DMD: variants seen among roughly 807,000 people sequenced by gnomAD.
DMD encodes dystrophin, also known as mutant dystrophin.
In DMD, 63 loss-of-function variants were observed where a neutral mutation model predicts 330.1. The ratio of observed to expected loss-of-function variants is 0.19; its 90% CI spans 0.16 to 0.24. The LOEUF is 0.24. Among genes scored for constraint, DMD ranks in the 10% least tolerant of loss-of-function variants. The pLI, the probability that DMD is intolerant of heterozygous loss-of-function variation, is 1.00. For synonymous variants in DMD, 1,223 were observed against 959.8 expected (o/e 1.27, Z -5.07); for missense variants, 3,344 against 2,684.1 (o/e 1.25, Z -5.43).
At chrX:32,433,803 A>T (rs1298288118) in intron 29 of DMD, among the ~76,000 whole-genome samples, 3 of 112,063 alleles carry the variant, frequency 2.7e-5, no homozygotes, top group Non-Finnish European at 5.6e-5. Context: ...ACTATTACCA[A>T]TATTATTATT....
At chrX:32,277,185 G>A (rs181484982) in intron 43 of DMD, among the ~76,000 whole-genome samples, 10 of 110,387 alleles carry the variant, frequency 9.1e-5, no homozygotes, top group Non-Finnish European at 1.9e-4. Flanking sequence ...TGTAAGAAGA[G>A]ACAAAGAAGG....
At chrX:32,897,380 A>G (rs1436761406) in intron 2 of DMD, among the ~76,000 whole-genome samples, 2 of 111,616 alleles carry the variant, frequency 1.8e-5, no homozygotes, top group Non-Finnish European at 3.8e-5. Flanking sequence ...AGGTGAAGGG[A>G]AAAGCTGTGA....
At chrX:32,480,497 T>G (rs112836185) in intron 21 of DMD, among the ~76,000 whole-genome samples, 3,487 of 104,541 alleles carry the variant, frequency 0.033, 129 homozygotes, top group African/African-American at 0.13. Context: ...GTCTACGTGT[T>G]TATATACACA....
chrX:33,026,778 G>C (rs1292870864), intron 1 of DMD, among the ~76,000 whole-genome samples: 1 of 111,809 alleles, frequency 8.9e-6, no homozygotes. Flanking sequence ...TTTCCCATTC[G>C]CTTTACAGTC....
At chrX:32,495,319 C>T (rs181882201) in intron 19 of DMD, among the ~76,000 whole-genome samples, 158 of 111,714 alleles carry the variant, frequency 1.4e-3, no homozygotes, top group Admixed American at 3.0e-3. Context: ...CTACACTGTA[C>T]TCATGAACTC....
chrX:33,331,288 G>T (rs1041342765), intron 1 of DMD, among the ~76,000 whole-genome samples: 24 of 111,553 alleles, frequency 2.2e-4, no homozygotes, highest in African/African-American at 7.2e-4. Context: ...ATCACATGCA[G>T]GCTTTTACTT....
intron 34 of DMD, 37 bp downstream of exon 34, chrX:32,380,473 G>A (rs766125332): frequency 8.6e-6 from 10 of 1,165,976 alleles, no homozygotes; most frequent in African/African-American, 3.6e-5. Flanking sequence ...GTGTTTTCAC[G>A]TATGTTCAAA....
At chrX:31,944,602 C>G (rs771113593) in intron 45 of DMD, among the ~76,000 whole-genome samples, 1 of 106,266 alleles carries the variant, frequency 9.4e-6, no homozygotes, top group Non-Finnish European at 1.9e-5. Flanking sequence ...TTCAGCCTCC[C>G]GAGTAGCTGG....
intron 61 of DMD, among the ~76,000 whole-genome samples, chrX:31,344,912 C>T: frequency 9.0e-6 from 1 of 110,848 alleles, no homozygotes; most frequent in East Asian, 2.8e-4. Flanking sequence ...AGTATATAAA[C>T]CAAATTTCTG....
At chrX:32,599,753 G>A (rs888572877) in intron 12 of DMD, among the ~76,000 whole-genome samples, 3 of 111,169 alleles carry the variant, frequency 2.7e-5, no homozygotes, top group African/African-American at 9.8e-5. Context: ...ACACATACTA[G>A]GTACTTTATT....
chrX:32,583,402 G>A (rs758013641), intron 13 of DMD, among the ~76,000 whole-genome samples: 155 of 111,536 alleles, frequency 1.4e-3, no homozygotes, highest in Admixed American at 2.9e-3. Context: ...AGGAGGTTGA[G>A]GCAGGAGAAT....
At chrX:32,864,462 AAAGATAGTTT>A (rs1434343939) in intron 2 of DMD, among the ~76,000 whole-genome samples, 1 of 112,430 alleles carries the variant, frequency 8.9e-6, no homozygotes, top group East Asian at 2.8e-4. Context: ...TCTTTTCTAC[AAAGATAGTTT>A]AATATATCTT....
chrX:31,843,970 T>G (rs765192842), intron 48 of DMD, among the ~76,000 whole-genome samples: 79 of 111,407 alleles, frequency 7.1e-4, no homozygotes, highest in African/African-American at 2.6e-3. Context: ...GCGGTTCTCC[T>G]GCCTCAGCCT....
intron 44 of DMD, among the ~76,000 whole-genome samples, chrX:32,194,021 A>T (rs1164817616): frequency 8.9e-6 from 1 of 112,286 alleles, no homozygotes; most frequent in African/African-American, 3.2e-5. Context: ...TTAAAGATCA[A>T]GGCAGATAAA....
intron 1 of DMD, chrX:33,041,395 A>T: frequency 8.4e-7 from 1 of 1,192,012 alleles, no homozygotes; most frequent in Non-Finnish European, 1.1e-6. Context: ...TCGAGGGACC[A>T]TGGCCGATCC....
At chrX:32,855,316 C>T (rs1172311823) in intron 2 of DMD, among the ~76,000 whole-genome samples, 1 of 111,794 alleles carries the variant, frequency 8.9e-6, no homozygotes, top group Non-Finnish European at 1.9e-5. Context: ...CAAGTCCTAG[C>T]TAGATCAAAG....
At chrX:31,332,860 A>C (rs2057208466) in intron 61 of DMD, among the ~76,000 whole-genome samples, 1 of 112,035 alleles carries the variant, frequency 8.9e-6, no homozygotes, top group Admixed American at 9.5e-5. Context: ...TTCATCATTA[A>C]TGTAGCTAGT....
At chrX:32,635,872 A>G (rs1435832367) in intron 11 of DMD, among the ~76,000 whole-genome samples, 1 of 111,705 alleles carries the variant, frequency 9.0e-6, no homozygotes, top group African/African-American at 3.3e-5. Flanking sequence ...AAGTACATCC[A>G]TCGCTATTGT....
intron 43 of DMD, among the ~76,000 whole-genome samples, chrX:32,268,399 A>C (rs1435145828): frequency 8.9e-6 from 1 of 112,017 alleles, no homozygotes; most frequent in African/African-American, 3.2e-5. Context: ...AAGAGTTGAA[A>C]TATAAACACC....
Sources: gnomAD v4.1 joint callset for allele counts (sites outside exome capture counted in the v4.1 genomes callset) on GRCh38, gnomAD v4.1.1 for gene constraint, MANE v1.5 for transcripts, NCBI Gene and HGNC (gene_info 2026-07-23, HGNC 2026-07-21) for gene names.